FRMD4B: variants seen among roughly 807,000 people sequenced by gnomAD.
The protein encoded by FRMD4B is FERM domain-containing protein 4B.
In FRMD4B, 74 loss-of-function variants were observed where a neutral mutation model predicts 141.5. The ratio of observed to expected loss-of-function variants is 0.52; its 90% CI spans 0.43 to 0.63. FRMD4B has a LOEUF of 0.63. Ranked by LOEUF, FRMD4B falls within the 30% of genes least tolerant of loss-of-function variation. The pLI is 0.00. For missense variants in FRMD4B, 1,366 were observed against 1,253.4 expected, an observed-to-expected ratio of 1.09 and a Z score of -1.36; for synonymous variants, 506 against 467.9, an observed-to-expected ratio of 1.08 and a Z score of -1.05.
At chr3:69,245,119 C>A (rs1215680193) in intron 7 of FRMD4B, among the ~76,000 whole-genome samples, 1 of 152,048 alleles carries the variant, frequency 6.6e-6, no homozygotes, top group African/African-American at 2.4e-5. Context: ...CACAGCAATC[C>A]TATGGAGTGT....
chr3:69,287,708 T>C (rs766498357), intron 5 of FRMD4B, 44 bp downstream of exon 5: 3 of 947,882 alleles, frequency 3.2e-6, no homozygotes, highest in Non-Finnish European at 5.2e-6. Flanking sequence ...GTCATCCCAG[T>C]CGCTCTGGAG....
chr3:69,222,466 T>G (rs1396629980), intron 8 of FRMD4B, among the ~76,000 whole-genome samples: 1 of 13,302 alleles, frequency 7.5e-5, no homozygotes, highest in Non-Finnish European at 2.0e-4. Context: ...AAAATCCATC[T>G]CAAAAAAAAA....
chr3:69,333,300 G>A (rs1702440762), intron 1 of FRMD4B, among the ~76,000 whole-genome samples: 1 of 152,206 alleles, frequency 6.6e-6, no homozygotes, highest in Non-Finnish European at 1.5e-5. Context: ...GAAGGCTTTA[G>A]TGCACTGGAG....
chr3:69,536,070 G>T, intron 1 of FRMD4B: 1 of 440,172 alleles, frequency 2.3e-6, no homozygotes, highest in Non-Finnish European at 4.4e-6. Flanking sequence ...GCCTCACCGG[G>T]CTGTGGCCTG....
At chr3:69,440,859 G>C (rs1425847337) in intron 1 of FRMD4B, among the ~76,000 whole-genome samples, 1 of 152,096 alleles carries the variant, frequency 6.6e-6, no homozygotes, top group East Asian at 1.9e-4. Context: ...TCAGAATGCT[G>C]GGGATTTTGC....
intron 1 of FRMD4B, among the ~76,000 whole-genome samples, chr3:69,480,592 C>T (rs937240282): frequency 5.9e-5 from 9 of 152,094 alleles, no homozygotes; most frequent in Non-Finnish European, 1.2e-4. Context: ...GAATACCCGG[C>T]CGTGTGAGGT....
chr3:69,352,311 C>T (rs891596856), intron 1 of FRMD4B, among the ~76,000 whole-genome samples: 5 of 152,138 alleles, frequency 3.3e-5, no homozygotes, highest in Non-Finnish European at 2.9e-5. Context: ...TTCACTCCTT[C>T]GGACATTAGA....
chr3:69,183,258 T>C (rs77743229), intron 19 of FRMD4B, among the ~76,000 whole-genome samples: 1 of 152,150 alleles, frequency 6.6e-6, no homozygotes, highest in Non-Finnish European at 1.5e-5. Flanking sequence ...AAATTTCATA[T>C]CATTTTTACA....
intron 7 of FRMD4B, among the ~76,000 whole-genome samples, chr3:69,232,844 C>G (rs2093318996): frequency 6.6e-6 from 1 of 150,914 alleles, no homozygotes; most frequent in Non-Finnish European, 1.5e-5. Flanking sequence ...GGGGCATCCT[C>G]CATTTGTAGA....
intron 1 of FRMD4B, among the ~76,000 whole-genome samples, chr3:69,349,554 A>C (rs1159238453): frequency 6.6e-6 from 1 of 152,140 alleles, no homozygotes; most frequent in Non-Finnish European, 1.5e-5. Flanking sequence ...GGAGGCATCA[A>C]GCTACCTGAC....
intron 1 of FRMD4B, among the ~76,000 whole-genome samples, chr3:69,326,118 A>G (rs1240414327): frequency 7.4e-6 from 1 of 134,620 alleles, no homozygotes. Flanking sequence ...CTGGCTAATC[A>G]ATTTTTTTTT....
chr3:69,299,026 C>T (rs1240218168), intron 4 of FRMD4B, among the ~76,000 whole-genome samples: 2 of 151,938 alleles, frequency 1.3e-5, no homozygotes, highest in African/African-American at 4.8e-5. Flanking sequence ...AATGGACAAA[C>T]TGTTATTATA....
At chr3:69,187,332 G>T (rs1162550116) in intron 19 of FRMD4B, among the ~76,000 whole-genome samples, 3 of 151,710 alleles carry the variant, frequency 2.0e-5, no homozygotes, top group African/African-American at 7.3e-5. Context: ...GATCACCTGA[G>T]GTTGGGAGTT....
intron 1 of FRMD4B, chr3:69,353,803 G>C (rs1703234457): frequency 1.7e-6 from 1 of 572,746 alleles, no homozygotes; most frequent in African/African-American, 2.0e-5. Flanking sequence ...CTTTCAATAT[G>C]AGTCACGGGA....
chr3:69,307,433 T>C (rs1286219674), intron 3 of FRMD4B, among the ~76,000 whole-genome samples: 1 of 152,058 alleles, frequency 6.6e-6, no homozygotes, highest in Non-Finnish European at 1.5e-5. Context: ...CTCCACCTCC[T>C]GGGTTTAAGT....
chr3:69,357,147 G>A (rs1347435610), intron 1 of FRMD4B, among the ~76,000 whole-genome samples: 1 of 152,164 alleles, frequency 6.6e-6, no homozygotes, highest in Non-Finnish European at 1.5e-5. Flanking sequence ...CAGGGATTCA[G>A]TCGTGAGGAA....
At chr3:69,332,740 C>T (rs905779875) in intron 1 of FRMD4B, among the ~76,000 whole-genome samples, 7 of 121,076 alleles carry the variant, frequency 5.8e-5, no homozygotes, top group South Asian at 2.7e-4. Context: ...CCACACCTGG[C>T]TATTTTTTTT....
At chr3:69,396,683 A>G (rs1704478583) in intron 2 of FRMD4B, among the ~76,000 whole-genome samples, 1 of 152,198 alleles carries the variant, frequency 6.6e-6, no homozygotes, top group Non-Finnish European at 1.5e-5. Flanking sequence ...AATTAGAAAG[A>G]TGAATAATAA....
intron 1 of FRMD4B, chr3:69,471,494 G>T: frequency 3.9e-6 from 1 of 259,576 alleles, no homozygotes; most frequent in Non-Finnish European, 7.7e-6. Flanking sequence ...TTTAAAAATA[G>T]GTAAGCGTCA....
Sources: allele counts gnomAD v4.1 joint callset (sites outside exome capture counted in the v4.1 genomes callset), GRCh38; gene constraint gnomAD v4.1.1; transcripts MANE v1.5; gene names NCBI Gene and HGNC (gene_info 2026-07-23, HGNC 2026-07-21).